PHACTR2: variants seen among roughly 807,000 people sequenced by gnomAD.
PHACTR2 encodes phosphatase and actin regulator 2.
PHACTR2 carries 30 observed loss-of-function variants against 76.0 expected under a neutral mutation model. That is an observed-to-expected ratio of 0.39 (90% CI 0.30 to 0.54). The LOEUF is 0.54. Among genes scored for constraint, PHACTR2 ranks in the 20% least tolerant of loss-of-function variants. PHACTR2 has a pLI of 0.61. For missense variants in PHACTR2, 696 were observed against 781.1 expected, an observed-to-expected ratio of 0.89 and a Z score of 1.30; for synonymous variants, 292 against 292.5, an observed-to-expected ratio of 1.00 and a Z score of 0.02.
chr6:143,551,167 C>T (rs1265779035), intron 1 of PHACTR2, among the ~76,000 whole-genome samples: 2 of 152,024 alleles, frequency 1.3e-5, no homozygotes, highest in Admixed American at 6.6e-5. Context: ...GATGGATATA[C>T]AGCAGTCCCC....
At position 143,821,807 on chromosome 6, in the gene PHACTR2, A is replaced by G. The variant is rs1176913316; in HGVS notation, c.1923-1867A>G. 5.9e-5 allele frequency among the ~76,000 whole-genome samples: 9 copies of G among 152,350 alleles called. No individual in the cohort carries two copies. Among genetic ancestry groups the G allele is most frequent in the Non-Finnish European group, 1.2e-4 (8 of 68,028 alleles). On this transcript the variant is annotated intron_variant, in intron 12 of 12. Transcript: ENST00000440869. This position sits in a 1 kb window ranked among gnomAD's most constrained non-coding sequence, Gnocchi z 5.2. ...GGAGTTTGAGAACAGCCTGAGCAAC[A>G]TAGCAAAACCCCATTTCTACTAAAA...
At position 143,757,315 on chromosome 6, in the gene PHACTR2, C is replaced by G. The variant is rs920543783; in HGVS notation, c.455-3086C>G. Among the ~76,000 whole-genome samples the G allele has an allele frequency of 2.6e-5, 4 of 152,106 alleles. No individual in the cohort carries two copies. The highest frequency in any genetic ancestry group is 5.9e-5 in the Non-Finnish European group (4 of 68,018). ...AAACGGGCAATTGTAGTGCAAGATG[C>G]GAAGTACCGTAGAAGGCCTGAGCAC... is the stretch of plus-strand genomic sequence containing the variant. On this transcript the variant is annotated intron_variant, in intron 4 of 12. Transcript: ENST00000440869. The surrounding 1 kb of genome is among the most constrained non-coding windows in gnomAD (Gnocchi z 4.2).
rs777102588 is a variant in PHACTR2, at chr6:143,596,210, G to A, written c.217+59003G>A. On this transcript the variant is annotated intron_variant, in intron 1 of 11. Transcript: ENST00000367584. This position sits in a 1 kb window ranked among gnomAD's most constrained non-coding sequence, Gnocchi z 4.6. ...AAAACTGGCCATGAAAAATACTTTT[G>A]TTGTCCCCAGCAAGCCAGATCTGTG... 1.3e-5 allele frequency among the ~76,000 whole-genome samples: 2 copies of A among 152,134 alleles called. No individual in the cohort carries two copies. Among genetic ancestry groups the A allele is most frequent in the African/African-American group, 2.4e-5 (1 of 41,436 alleles).
rs1289552443 is a variant in PHACTR2 at position 143,625,174 on chromosome 6, T to C, written c.13+16852T>C. Among the ~76,000 whole-genome samples the C allele has an allele frequency of 2.6e-5, 4 of 151,600 alleles. No homozygotes were observed. The highest frequency in any genetic ancestry group is 9.7e-5 in the African/African-American group (4 of 41,300). ...GAGACTTCATCTCAAAAAAAAAAAGTATAGTCAAGGAATATGGTGTTATGA... is the reference window on the plus strand; with the variant it reads ...GAGACTTCATCTCAAAAAAAAAAAGCATAGTCAAGGAATATGGTGTTATGA... On this transcript the variant is annotated intron_variant, in intron 1 of 11. Coordinates refer to the PHACTR2 transcript ENST00000305766. This position sits in a 1 kb window ranked among gnomAD's most constrained non-coding sequence, Gnocchi z 4.3.
At position 143,598,277 on chromosome 6, in the gene PHACTR2, G is replaced by T. The variant is rs1436481035; in HGVS notation, c.217+61070G>T. On this transcript the variant is annotated intron_variant, in intron 1 of 11. Coordinates refer to the PHACTR2 transcript ENST00000367584. This position sits in a 1 kb window ranked among gnomAD's most constrained non-coding sequence, Gnocchi z 4.1. ...GATTCCTTATAAGAGGGACAAGAAGGTTAAAAGAGGAGAAGGCAATGTGAC... is the reference window on the plus strand; with the variant it reads ...GATTCCTTATAAGAGGGACAAGAAGTTTAAAAGAGGAGAAGGCAATGTGAC... 1.3e-5 allele frequency among the ~76,000 whole-genome samples: 2 copies of T among 152,134 alleles called. No homozygotes were observed. The highest frequency in any genetic ancestry group is 2.9e-5 in the Non-Finnish European group (2 of 68,034).
At chr6:143,542,624 C>A (rs1206174210) in intron 1 of PHACTR2, among the ~76,000 whole-genome samples, 3 of 152,172 alleles carry the variant, frequency 2.0e-5, no homozygotes, top group Non-Finnish European at 2.9e-5. Flanking sequence ...ATAGGTGTTT[C>A]CTCATCCATC....
intron 1 of PHACTR2, among the ~76,000 whole-genome samples, chr6:143,660,566 C>T (rs780559773): frequency 1.4e-4 from 22 of 152,140 alleles, no homozygotes; most frequent in Non-Finnish European, 2.2e-4. Flanking sequence ...TGTATTGATA[C>T]GGATCAGGTT....
At chr6:143,629,251 A>T (rs868109957) in intron 1 of PHACTR2, among the ~76,000 whole-genome samples, 51 of 152,118 alleles carry the variant, frequency 3.4e-4, no homozygotes, top group African/African-American at 1.1e-3. Flanking sequence ...AAAGAGATAG[A>T]CATCTAACCA....
rs573817186 is a variant in PHACTR2, at chr6:143,783,956, A to C, written c.1707+676A>C. Reference sequence around the variant, plus strand: ...GATTGCTTGAGCCCAGGAGGTCAAGACCAGCCTGGACAACATAGTGAGACC... The same window carrying C: ...GATTGCTTGAGCCCAGGAGGTCAAGCCCAGCCTGGACAACATAGTGAGACC... On this transcript the variant is annotated intron_variant, in intron 10 of 12. Coordinates refer to ENST00000440869, the MANE Select transcript of PHACTR2 (RefSeq NM_001100164.2). This position sits in a 1 kb window ranked among gnomAD's most constrained non-coding sequence, Gnocchi z 5.2. Among the ~76,000 whole-genome samples, 1,301 of 152,082 alleles carry C rather than the reference A, an allele frequency of 8.6e-3. 9 individuals are homozygous for C. Among genetic ancestry groups the C allele is most frequent in the South Asian group, 0.018 (89 of 4,812 alleles).
At chr6:143,687,419 G>A (rs1314888325) in intron 1 of PHACTR2, among the ~76,000 whole-genome samples, 2 of 152,094 alleles carry the variant, frequency 1.3e-5, no homozygotes, top group Non-Finnish European at 2.9e-5. Flanking sequence ...TACTGTAGCA[G>A]GTTAACTGCT....
chr6:143,537,783 G>T lies in PHACTR2; in HGVS notation c.217+576G>T, dbSNP rs569135863. 6.6e-6 allele frequency among the ~76,000 whole-genome samples: 1 copy of T among 151,834 alleles called. No homozygotes were observed. Among genetic ancestry groups the T allele is most frequent in the Non-Finnish European group, 1.5e-5 (1 of 67,876 alleles). ...AGAGCAGGGGAGAGTTTGGCGGGCT[G>T]TTTGTGCCTCTCATCCTTTAACATG... On this transcript the variant is annotated intron_variant, in intron 1 of 11. Transcript: ENST00000367584. This position sits in a 1 kb window ranked among gnomAD's most constrained non-coding sequence, Gnocchi z 4.4.
chr6:143,670,171 C>A (rs781349512), intron 1 of PHACTR2, among the ~76,000 whole-genome samples: 15 of 152,140 alleles, frequency 9.9e-5, no homozygotes, highest in Non-Finnish European at 1.9e-4. Flanking sequence ...AATATTGGCC[C>A]CCACTGTCCT....
At position 143,698,486 on chromosome 6, in the gene PHACTR2, A is replaced by G. The variant is rs1019964251; in HGVS notation, c.47-13530A>G. ...AAATGGTTTCCTGTTTAATTTGCAT[A>G]GGATATTTCTACCTTTTAGGCAATG... On this transcript the variant is annotated intron_variant, in intron 1 of 12. Transcript: ENST00000440869. The surrounding 1 kb of genome is among the most constrained non-coding windows in gnomAD (Gnocchi z 4.3). 2.6e-5 allele frequency among the ~76,000 whole-genome samples: 4 copies of G among 152,200 alleles called. No individual in the cohort carries two copies. The highest frequency in any genetic ancestry group is 9.7e-5 in the African/African-American group (4 of 41,444).
chr6:143,796,611 C>G (rs1190996816), intron 11 of PHACTR2, among the ~76,000 whole-genome samples: 1 of 151,678 alleles, frequency 6.6e-6, no homozygotes, highest in African/African-American at 2.4e-5. Context: ...CTCCCTGTGT[C>G]CATGTGTTCT....
intron 1 of PHACTR2, among the ~76,000 whole-genome samples, chr6:143,670,703 A>G (rs1442712905): frequency 2.0e-5 from 3 of 152,146 alleles, no homozygotes; most frequent in East Asian, 3.9e-4. Flanking sequence ...CAGGTCATTT[A>G]TGTTCTTCTC....
At chr6:143,670,313 A>G (rs890497475) in intron 1 of PHACTR2, among the ~76,000 whole-genome samples, 2 of 151,962 alleles carry the variant, frequency 1.3e-5, no homozygotes, top group African/African-American at 4.8e-5. Context: ...TCTGATAATT[A>G]TGTGTCTTGG....
intron 1 of PHACTR2, among the ~76,000 whole-genome samples, chr6:143,573,884 G>A (rs1178976839): frequency 2.0e-5 from 3 of 152,290 alleles, no homozygotes; most frequent in South Asian, 2.1e-4. Context: ...TTATGGAATC[G>A]TGAATTTTAT....
chr6:143,613,047 G>C (rs563519424), intron 1 of PHACTR2, among the ~76,000 whole-genome samples: 4 of 152,320 alleles, frequency 2.6e-5, no homozygotes, highest in African/African-American at 9.6e-5. Flanking sequence ...CGCAATCTCG[G>C]CTCACTGCAA....
rs909204478 is a variant in PHACTR2, at chr6:143,625,229, G to A, written c.13+16907G>A. 9.9e-5 allele frequency among the ~76,000 whole-genome samples: 15 copies of A among 152,052 alleles called. No individual in the cohort carries two copies. Among genetic ancestry groups the A allele is most frequent in the African/African-American group, 2.9e-4 (12 of 41,500 alleles). On this transcript the variant is annotated intron_variant, in intron 1 of 11. Coordinates refer to the PHACTR2 transcript ENST00000305766. This position sits in a 1 kb window ranked among gnomAD's most constrained non-coding sequence, Gnocchi z 4.3. ...TTGCTGAGGGCATCATGTGACTATCGTTTAAAATACAGTCATGTATACGTA... is the reference window on the plus strand; with the variant it reads ...TTGCTGAGGGCATCATGTGACTATCATTTAAAATACAGTCATGTATACGTA...
Sources: allele counts gnomAD v4.1 joint callset (sites outside exome capture counted in the v4.1 genomes callset), GRCh38; gene constraint gnomAD v4.1.1; non-coding constraint Gnocchi (gnomAD v3.1); transcripts MANE v1.5; gene names NCBI Gene and HGNC (gene_info 2026-07-23, HGNC 2026-07-21).